Variants in AOPEP observed in about 807,000 individuals in gnomAD.
AOPEP encodes the protein aminopeptidase O (putative), also known as aminopeptidase O.
AOPEP carries 77 observed loss-of-function variants against 98.1 expected under a neutral mutation model. That is an observed-to-expected ratio of 0.78 (90% CI 0.65 to 0.95). The LOEUF is 0.95. AOPEP is among the 40% of genes least tolerant of loss of function. The probability of loss-of-function intolerance (pLI) is 0.00; values close to 1 mark genes in which losing one functional copy is unlikely to be tolerated. For missense variants in AOPEP, 1,024 were observed against 1,024.7 expected, an observed-to-expected ratio of 1.00 and a Z score of 0.01; for synonymous variants, 346 against 365.3, an observed-to-expected ratio of 0.95 and a Z score of 0.60.
At chr9:95,058,301 A>T (rs539198815) in intron 13 of AOPEP, among the ~76,000 whole-genome samples, 39 of 152,222 alleles carry the variant, frequency 2.6e-4, no homozygotes, top group Non-Finnish European at 5.1e-4. Flanking sequence ...GTTTAGACCA[A>T]ATCCCAAATG....
At chr9:95,006,136 T>C (rs1288411770) in intron 13 of AOPEP, 2 of 470,308 alleles carry the variant, frequency 4.3e-6, no homozygotes, top group Admixed American at 4.7e-5. Flanking sequence ...TTCAGTATGT[T>C]ACTTTGCAGA....
intron 5 of AOPEP, among the ~76,000 whole-genome samples, chr9:94,893,378 G>A (rs1283125495): frequency 6.6e-6 from 1 of 152,146 alleles, no homozygotes; most frequent in African/African-American, 2.4e-5. Context: ...GTGAGGGCAC[G>A]GGAGGAGTGA....
At chr9:95,018,910 C>T (rs1356787242) in intron 13 of AOPEP, 1 of 152,194 alleles carries the variant, frequency 6.6e-6, no homozygotes, top group East Asian at 1.9e-4. Flanking sequence ...TCTTAAGGCA[C>T]CTCTTCACAG....
chr9:94,768,717 C>A (rs1214089969), intron 2 of AOPEP, among the ~76,000 whole-genome samples: 3 of 152,236 alleles, frequency 2.0e-5, no homozygotes, highest in African/African-American at 4.8e-5. Flanking sequence ...TCCTCTCATT[C>A]CCACAACTCC....
In AOPEP at chr9:94,735,302, G is replaced by A. The variant is rs202119201; in HGVS notation, c.-136+8551G>A. Among the ~76,000 whole-genome samples, 55 of 152,240 alleles carry A rather than the reference G, an allele frequency of 3.6e-4. 1 individual carries two copies. Among genetic ancestry groups the A allele is most frequent in the East Asian group, 2.9e-3 (15 of 5,172 alleles). On this transcript the variant is annotated intron_variant, in intron 1 of 16. Coordinates refer to ENST00000375315, the MANE Select transcript of AOPEP (RefSeq NM_001193329.3). ...GTGGTGCGATCTCGGCTCACTGCAA[G>A]CTCTGCCTCCTGGGTTCACGCCATT...
chr9:95,137,627 A>G, the AOPEP span, among the ~76,000 whole-genome samples: 4 of 152,154 alleles, frequency 2.6e-5, no homozygotes, highest in Admixed American at 2.6e-4. Flanking sequence ...GTGGATTTGG[A>G]GTGTCTGAGG....
downstream of AOPEP, among the ~76,000 whole-genome samples, chr9:95,087,398 G>A (rs950230565): frequency 1.5e-5 from 2 of 134,478 alleles, no homozygotes; most frequent in South Asian, 2.4e-4. Flanking sequence ...CAGGAGAATC[G>A]CTTGAACCCA....
intron 13 of AOPEP, among the ~76,000 whole-genome samples, chr9:95,029,787 A>G (rs1189906126): frequency 1.3e-5 from 2 of 152,170 alleles, no homozygotes; most frequent in Non-Finnish European, 2.9e-5. Flanking sequence ...TAATAACCAA[A>G]TCTGTTAATA....
At chr9:95,069,414 A>AG (rs1271932969) in intron 14 of AOPEP, among the ~76,000 whole-genome samples, 1 of 152,134 alleles carries the variant, frequency 6.6e-6, no homozygotes, top group Non-Finnish European at 1.5e-5. Flanking sequence ...GAAAGAAGGT[A>AG]GGGTGTATTA....
chr9:95,088,662 G>A (rs562644036), downstream of AOPEP, among the ~76,000 whole-genome samples: 71 of 152,314 alleles, frequency 4.7e-4, no homozygotes, highest in African/African-American at 1.6e-3. Flanking sequence ...CAAGAGCTGC[G>A]GGTGGCTCAC....
chr9:94,746,627 A>C (rs1024384988), intron 1 of AOPEP, among the ~76,000 whole-genome samples: 5 of 152,202 alleles, frequency 3.3e-5, no homozygotes, highest in African/African-American at 1.2e-4. Context: ...AAGTAGAGTG[A>C]AATCACTTCC....
chr9:94,750,785 C>G (rs1453947063), intron 1 of AOPEP, among the ~76,000 whole-genome samples: 1 of 129,684 alleles, frequency 7.7e-6, no homozygotes, highest in East Asian at 2.3e-4. Context: ...GAGACGGAGT[C>G]TCACTCTGTC....
At chr9:95,094,275 G>A in the AOPEP span, among the ~76,000 whole-genome samples, 1 of 152,228 alleles carries the variant, frequency 6.6e-6, no homozygotes, top group Non-Finnish European at 1.5e-5. Flanking sequence ...AGAACTGGGT[G>A]TCTGCTCCTT....
chr9:95,120,539 G>A, the AOPEP span, among the ~76,000 whole-genome samples: 27 of 150,702 alleles, frequency 1.8e-4, no homozygotes, highest in African/African-American at 5.9e-4. Flanking sequence ...TTCACCCCCC[G>A]AGTAGCCGGG....
chr9:94,739,656 A>AG (rs1832624348), intron 1 of AOPEP, among the ~76,000 whole-genome samples: 1 of 152,128 alleles, frequency 6.6e-6, no homozygotes, highest in Non-Finnish European at 1.5e-5. Context: ...AAAAAAAAAA[A>AG]AAAAAGATTT....
chr9:95,070,096 C>G (rs1034322398), intron 14 of AOPEP, among the ~76,000 whole-genome samples: 4 of 152,230 alleles, frequency 2.6e-5, no homozygotes, highest in African/African-American at 9.6e-5. Flanking sequence ...GTGAAAGGTT[C>G]TTTTCCTCTT....
intron 1 of AOPEP, among the ~76,000 whole-genome samples, chr9:94,759,384 A>G (rs550791820): frequency 1.3e-5 from 2 of 152,382 alleles, no homozygotes; most frequent in African/African-American, 2.4e-5. Flanking sequence ...GCTGTTTTCT[A>G]AAAGAAGGAC....
At chr9:94,863,493 G>A (rs139966858) in intron 5 of AOPEP, among the ~76,000 whole-genome samples, 4,587 of 151,964 alleles carry the variant, frequency 0.03, 241 homozygotes, top group African/African-American at 0.1. Context: ...TGTTGGCTAG[G>A]CTGGTCTCAA....
At chr9:95,106,055 A>G in the AOPEP span, among the ~76,000 whole-genome samples, 1 of 152,174 alleles carries the variant, frequency 6.6e-6, no homozygotes, top group Non-Finnish European at 1.5e-5. Context: ...TCTTCTCCAC[A>G]GTAGCTGCAC....
Sources: allele counts gnomAD v4.1 joint callset (sites outside exome capture counted in the v4.1 genomes callset), GRCh38; gene constraint gnomAD v4.1.1; transcripts MANE v1.5; gene names NCBI Gene and HGNC (gene_info 2026-07-23, HGNC 2026-07-21).